DCC: variants seen among roughly 807,000 people sequenced by gnomAD.
DCC encodes the protein netrin receptor DCC.
In DCC, 58 loss-of-function variants were observed where a neutral mutation model predicts 172.5. That is an observed-to-expected ratio of 0.34 (90% CI 0.27 to 0.42). The LOEUF is 0.42. DCC is among the 10% of genes least tolerant of loss of function. DCC has a pLI of 1.00. For missense variants in DCC, 1,740 were observed against 1,791.0 expected, an observed-to-expected ratio of 0.97 and a Z score of 0.51; for synonymous variants, 709 against 644.5, an observed-to-expected ratio of 1.10 and a Z score of -1.52.
At chr18:52,565,452 C>T (rs904510566) in intron 1 of DCC, among the ~76,000 whole-genome samples, 2 of 152,186 alleles carry the variant, frequency 1.3e-5, no homozygotes, top group South Asian at 4.1e-4. Flanking sequence ...TTTACACTCC[C>T]ACCAACAGTG....
chr18:53,256,950 A>G (rs148186964), intron 12 of DCC, among the ~76,000 whole-genome samples: 8,879 of 152,154 alleles, frequency 0.058, 824 homozygotes, highest in African/African-American at 0.19. Flanking sequence ...TTGTATTCCT[A>G]GGTATTTTAT....
chr18:53,293,679 G>A (rs539582985), intron 12 of DCC, among the ~76,000 whole-genome samples: 1 of 152,092 alleles, frequency 6.6e-6, no homozygotes, highest in African/African-American at 2.4e-5. Context: ...TGTGTCCAAG[G>A]ATCACTAGTG....
chr18:53,336,464 T>C (rs1411432993), intron 14 of DCC, among the ~76,000 whole-genome samples: 1 of 152,174 alleles, frequency 6.6e-6, no homozygotes, highest in Non-Finnish European at 1.5e-5. Context: ...GGCGTAGTTA[T>C]CATGATGATG....
chr18:53,512,216 G>C (rs542118569), intron 27 of DCC, among the ~76,000 whole-genome samples: 2 of 151,624 alleles, frequency 1.3e-5, no homozygotes, highest in African/African-American at 2.4e-5. Flanking sequence ...CACCTCACAC[G>C]GCAGGGTATT....
chr18:53,088,831 T>C (rs947471053), intron 7 of DCC, among the ~76,000 whole-genome samples: 1 of 152,228 alleles, frequency 6.6e-6, no homozygotes, highest in Admixed American at 6.5e-5. Flanking sequence ...GTTAGCTTTC[T>C]TATTAACAAA....
chr18:53,330,723 G>A (rs887756454), intron 14 of DCC, among the ~76,000 whole-genome samples: 9 of 152,248 alleles, frequency 5.9e-5, no homozygotes, highest in Admixed American at 2.0e-4. Context: ...TTTGGACTTA[G>A]CAAGCTCTTT....
At chr18:52,880,994 C>A in intron 2 of DCC, among the ~76,000 whole-genome samples, 1 of 152,084 alleles carries the variant, frequency 6.6e-6, no homozygotes, top group Non-Finnish European at 1.5e-5. Context: ...AGAAGGGCTC[C>A]CTTTTCTCCA....
chr18:52,775,947 C>A (rs569758227), intron 2 of DCC, among the ~76,000 whole-genome samples: 28 of 152,320 alleles, frequency 1.8e-4, no homozygotes, highest in Admixed American at 5.2e-4. Context: ...AGGGTCTTCC[C>A]TTCCCAGCAC....
chr18:53,238,029 A>C (rs184346180), intron 12 of DCC, among the ~76,000 whole-genome samples: 110 of 152,276 alleles, frequency 7.2e-4, no homozygotes, highest in Middle Eastern at 3.4e-3. Context: ...AAAGAATCTC[A>C]TGGAGCACTG....
chr18:52,746,834 G>A (rs1272261133), intron 1 of DCC, among the ~76,000 whole-genome samples: 1 of 151,738 alleles, frequency 6.6e-6, no homozygotes, highest in African/African-American at 2.4e-5. Flanking sequence ...TCAAGGGTAG[G>A]CCTTCTTTTA....
chr18:52,871,535 T>C (rs1337425045), intron 2 of DCC, among the ~76,000 whole-genome samples: 1 of 152,156 alleles, frequency 6.6e-6, no homozygotes, highest in African/African-American at 2.4e-5. Flanking sequence ...ATGATCATAG[T>C]TCACTGCCAC....
intron 5 of DCC, among the ~76,000 whole-genome samples, chr18:53,013,494 T>G (rs947795962): frequency 6.6e-5 from 10 of 151,510 alleles, no homozygotes; most frequent in Non-Finnish European, 1.5e-4. Context: ...AATTGAACAA[T>G]GAGAACACAT....
At chr18:53,410,973 A>G (rs944135259) in intron 20 of DCC, among the ~76,000 whole-genome samples, 2 of 152,140 alleles carry the variant, frequency 1.3e-5, no homozygotes, top group African/African-American at 4.8e-5. Context: ...ATTAAAATGT[A>G]TTGAATTATG....
intron 22 of DCC, among the ~76,000 whole-genome samples, chr18:53,440,445 G>T (rs1912202454): frequency 6.6e-6 from 1 of 150,420 alleles, no homozygotes; most frequent in Admixed American, 6.6e-5. Flanking sequence ...CATATTAAGT[G>T]CTCTATAAAA....
intron 15 of DCC, among the ~76,000 whole-genome samples, chr18:53,347,697 G>T (rs2057741149): frequency 6.6e-6 from 1 of 152,102 alleles, no homozygotes; most frequent in Non-Finnish European, 1.5e-5. Context: ...AAAAGAAAGA[G>T]GTTTAATTGG....
At chr18:53,005,872 C>A (rs190669325) in intron 5 of DCC, among the ~76,000 whole-genome samples, 3 of 152,116 alleles carry the variant, frequency 2.0e-5, no homozygotes, top group Admixed American at 6.5e-5. Flanking sequence ...TATTTTTTCT[C>A]TCTGGTCTTC....
At position 52,738,699 on chromosome 18, in the gene DCC, C is replaced by CTT. The variant is rs373139444; in HGVS notation, c.92-13348_92-13347dup. Among the ~76,000 whole-genome samples the CTT allele has an allele frequency of 1.3e-3, 194 of 151,066 alleles. 1 individual carries two copies. Among genetic ancestry groups the CTT allele is most frequent in the African/African-American group, 4.2e-3 (175 of 41,242 alleles). On this transcript the variant is annotated intron_variant, in intron 1 of 28. Transcript: ENST00000442544. ...ACAAATTCACCTTAGCTTACTGTAA[C>CTT]TTTTTTTTACTTTATAAACCTTTAA...
At chr18:53,400,124 A>C (rs1268141146) in intron 18 of DCC, among the ~76,000 whole-genome samples, 1 of 152,178 alleles carries the variant, frequency 6.6e-6, no homozygotes, top group Non-Finnish European at 1.5e-5. Flanking sequence ...TATCAGAAAT[A>C]TAATCATAAA....
intron 7 of DCC, among the ~76,000 whole-genome samples, chr18:53,102,823 G>C (rs532854870): frequency 6.6e-6 from 1 of 150,992 alleles, no homozygotes; most frequent in South Asian, 2.1e-4. Flanking sequence ...TCACCCAAAG[G>C]CTACCATGAA....
Sources: gnomAD v4.1 joint callset for allele counts (sites outside exome capture counted in the v4.1 genomes callset) on GRCh38, gnomAD v4.1.1 for gene constraint, MANE v1.5 for transcripts, NCBI Gene and HGNC (gene_info 2026-07-23, HGNC 2026-07-21) for gene names.